Variants in CEP112 observed in about 807,000 individuals in gnomAD.
The protein encoded by CEP112 is centrosomal protein of 112 kDa.
In CEP112, 127 loss-of-function variants were observed where a neutral mutation model predicts 153.0. That is an observed-to-expected ratio of 0.83 (90% CI 0.72 to 0.96). The LOEUF (loss-of-function observed/expected upper bound fraction) is 0.96, where lower values mean the gene tolerates loss of function less well. CEP112 is among the 40% of genes least tolerant of loss of function. CEP112 has a pLI of 0.00. For synonymous variants in CEP112, 358 were observed against 374.4 expected (o/e 0.96, Z 0.51); for missense variants, 1,089 against 1,101.2 (o/e 0.99, Z 0.16).
At chr17:65,962,022 G>T (rs904530117) in intron 17 of CEP112, among the ~76,000 whole-genome samples, 1 of 152,190 alleles carries the variant, frequency 6.6e-6, no homozygotes, top group Admixed American at 6.5e-5. Flanking sequence ...GTTACATATT[G>T]TATGATTCCA....
intron 20 of CEP112, 29 bp from the exon 21 acceptor site, chr17:65,852,063 G>T: frequency 6.6e-7 from 1 of 1,507,166 alleles, no homozygotes. Flanking sequence ...AAAATGGGCA[G>T]AAGATATCAA....
intron 21 of CEP112, among the ~76,000 whole-genome samples, chr17:65,810,533 A>G (rs1363366081): frequency 6.6e-6 from 1 of 152,132 alleles, no homozygotes; most frequent in Non-Finnish European, 1.5e-5. Flanking sequence ...ATCACATTAA[A>G]TTATTGATAA....
At chr17:66,186,807 C>T (rs1406597691) in intron 1 of CEP112, among the ~76,000 whole-genome samples, 1 of 152,174 alleles carries the variant, frequency 6.6e-6, no homozygotes, top group Non-Finnish European at 1.5e-5. Flanking sequence ...TCCCAAATAT[C>T]CTACAGCCCC....
At chr17:65,752,966 A>T (rs2051983105) in intron 21 of CEP112, among the ~76,000 whole-genome samples, 1 of 152,216 alleles carries the variant, frequency 6.6e-6, no homozygotes, top group African/African-American at 2.4e-5. Flanking sequence ...GCTGGACACT[A>T]GGATTTTTAA....
At chr17:65,783,425 A>G (rs566697272) in intron 21 of CEP112, among the ~76,000 whole-genome samples, 1 of 152,338 alleles carries the variant, frequency 6.6e-6, no homozygotes, top group East Asian at 1.9e-4. Flanking sequence ...TGACCCAGCA[A>G]TTACCACCCA....
intron 20 of CEP112, among the ~76,000 whole-genome samples, chr17:65,864,424 C>T (rs2058415291): frequency 6.6e-6 from 1 of 152,190 alleles, no homozygotes. Flanking sequence ...CTGACTTCCT[C>T]ATCACTGGAA....
At chr17:65,937,155 T>G (rs2061339576) in intron 18 of CEP112, among the ~76,000 whole-genome samples, 1 of 147,586 alleles carries the variant, frequency 6.8e-6, no homozygotes, top group African/African-American at 2.5e-5. Context: ...TGGCATGATC[T>G]CGGCTCGCTG....
intron 13 of CEP112, 42 bp downstream of exon 13, chr17:66,029,827 C>T: frequency 6.4e-7 from 1 of 1,567,034 alleles, no homozygotes; most frequent in South Asian, 1.2e-5. Flanking sequence ...AATATCAGTA[C>T]TTTATAGCTA....
At chr17:65,690,039 A>G (rs2048018229) in intron 23 of CEP112, among the ~76,000 whole-genome samples, 1 of 149,646 alleles carries the variant, frequency 6.7e-6, no homozygotes, top group African/African-American at 2.5e-5. Context: ...TCATCCAGTC[A>G]ATATTAGTGA....
At chr17:65,715,070 T>C (rs1040365368) in intron 23 of CEP112, among the ~76,000 whole-genome samples, 4 of 151,948 alleles carry the variant, frequency 2.6e-5, no homozygotes, top group Admixed American at 2.6e-4. Flanking sequence ...AGGGTAATGG[T>C]AACAGAAAGG....
intron 23 of CEP112, among the ~76,000 whole-genome samples, chr17:65,719,171 G>C (rs1201955351): frequency 6.6e-6 from 1 of 152,218 alleles, no homozygotes; most frequent in African/African-American, 2.4e-5. Flanking sequence ...GCTGTGAACA[G>C]CCCTGTTCTT....
chr17:65,772,365 C>A (rs1404068619), intron 21 of CEP112, among the ~76,000 whole-genome samples: 1 of 152,012 alleles, frequency 6.6e-6, no homozygotes, highest in African/African-American at 2.4e-5. Context: ...ATGTATAGAT[C>A]TGAAAAAGAA....
intron 20 of CEP112, among the ~76,000 whole-genome samples, chr17:65,866,959 C>A (rs956383770): frequency 1.3e-5 from 2 of 152,180 alleles, no homozygotes; most frequent in Non-Finnish European, 2.9e-5. Context: ...CAAACCCATG[C>A]CCCTTGCTCA....
At chr17:66,165,345 G>A (rs2071908029) in intron 4 of CEP112, among the ~76,000 whole-genome samples, 1 of 152,136 alleles carries the variant, frequency 6.6e-6, no homozygotes, top group Non-Finnish European at 1.5e-5. Flanking sequence ...GTTTACTGGT[G>A]GCGACTGTAT....
intron 11 of CEP112, among the ~76,000 whole-genome samples, chr17:66,054,360 A>G (rs1246065857): frequency 6.6e-6 from 1 of 152,220 alleles, no homozygotes; most frequent in East Asian, 1.9e-4. Context: ...ACTTCTAGTC[A>G]TTCCCTAATC....
chr17:66,096,210 C>T, intron 8 of CEP112, 41 bp downstream of exon 8: 6 of 1,365,316 alleles, frequency 4.4e-6, no homozygotes, highest in Non-Finnish European at 6.2e-6. Flanking sequence ...AATATTAAAA[C>T]TGTATTATCA....
At chr17:66,118,850 C>G (rs1206567809) in intron 6 of CEP112, among the ~76,000 whole-genome samples, 1 of 151,290 alleles carries the variant, frequency 6.6e-6, no homozygotes, top group Non-Finnish European at 1.5e-5. Flanking sequence ...TAATATGTAT[C>G]CATAATTAAA....
rs553584466 is a variant in CEP112 at position 65,730,405 on chromosome 17, G to A, written c.2607+12663C>T. ...ATTCTTCCTGAAAAATGGCACTTAC[G>A]CTTTATGCTACTATGACTGAATGGC... On this transcript the variant is annotated intron_variant, in intron 23 of 26. Transcript: ENST00000535342. 7.9e-5 allele frequency among the ~76,000 whole-genome samples: 12 copies of A among 152,206 alleles called. No individual in the cohort carries two copies. In the South Asian group the frequency reaches 1.0e-3, roughly 13 times the overall value.
chr17:66,086,599 G>C (rs1173731522), intron 8 of CEP112, among the ~76,000 whole-genome samples: 1 of 151,046 alleles, frequency 6.6e-6, no homozygotes, highest in Non-Finnish European at 1.5e-5. Context: ...GCAGAGACGG[G>C]GTTTCACCAT....
Sources: gnomAD v4.1 joint callset for allele counts (sites outside exome capture counted in the v4.1 genomes callset) on GRCh38, gnomAD v4.1.1 for gene constraint, MANE v1.5 for transcripts, NCBI Gene and HGNC (gene_info 2026-07-23, HGNC 2026-07-21) for gene names.